Variants in MARCHF10 observed in about 807,000 individuals in gnomAD.
The protein encoded by MARCHF10 is membrane associated ring-CH-type finger 10, also known as probable E3 ubiquitin-protein ligase MARCHF10.
Under a neutral mutation model 76.2 loss-of-function variants are expected in MARCHF10, and 64 were observed. The observed-to-expected ratio is 0.84, with a 90% CI of 0.69 to 1.03. The LOEUF (loss-of-function observed/expected upper bound fraction) is 1.03. Ranked by LOEUF, MARCHF10 falls within the 50% of genes least tolerant of loss-of-function variation. MARCHF10 has a pLI of 0.00. For missense variants in MARCHF10, 875 were observed against 958.0 expected (o/e 0.91, Z 1.14); for synonymous variants, 340 against 357.5 (o/e 0.95, Z 0.55).
intron 9 of MARCHF10, among the ~76,000 whole-genome samples, chr17:62,708,571 A>G (rs1480356971): frequency 6.6e-6 from 1 of 152,088 alleles, no homozygotes; most frequent in Admixed American, 6.6e-5. Flanking sequence ...TCAGTAGTTG[A>G]CTGTGCATCA....
At chr17:62,802,779 G>A (rs183208918) in intron 1 of MARCHF10, among the ~76,000 whole-genome samples, 41 of 152,190 alleles carry the variant, frequency 2.7e-4, no homozygotes, top group African/African-American at 9.9e-4. Flanking sequence ...TGAGGCAGAC[G>A]GGAGGGAAGC....
chr17:62,788,614 C>G lies in MARCHF10; in HGVS notation c.91-15G>C. On this transcript the variant is annotated splice_polypyrimidine_tract_variant and intron_variant, in intron 2 of 10. Transcript: ENST00000311269. ...CTCAGACAAGCCTGAAGAACAACAA[C>G]AATAAAATGTTTGTCTTAGGACCAT... 4.3e-6 allele frequency: 7 copies of G among 1,613,742 alleles called. No individual in the cohort carries two copies. Among genetic ancestry groups the G allele is most frequent in the Non-Finnish European group, 5.9e-6 (7 of 1,179,940 alleles).
intron 6 of MARCHF10, among the ~76,000 whole-genome samples, chr17:62,729,039 A>C (rs2090893733): frequency 6.6e-6 from 1 of 152,138 alleles, no homozygotes; most frequent in Non-Finnish European, 1.5e-5. Context: ...CCTGGGCTCA[A>C]AGTGATCCTC....
rs1226728405 is a variant in MARCHF10 at position 62,744,403 on chromosome 17, C to T, written c.508G>A (p.Ala170Thr). The change falls in exon 5 of 11, where the codon GCA becomes ACA. Residue 170 changes from alanine to threonine, a missense_variant. Physicochemically the swap from Ala to Thr is moderately conservative, Grantham distance 58. Coordinates refer to ENST00000311269, the MANE Select transcript of MARCHF10 (RefSeq NM_152598.4). Reference sequence around the variant, plus strand: ...GCTCCCCTGGGAACCGGCACCTTTGCAGGCCACTGCTGTTTCTGTCTGCTT... The same window carrying T: ...GCTCCCCTGGGAACCGGCACCTTTGTAGGCCACTGCTGTTTCTGTCTGCTT... ...DRSRQKQQWP[A>T]KVPVPRGADQ... 1 of 1,614,130 alleles carries T rather than the reference C, an allele frequency of 6.2e-7. No individual in the cohort carries two copies. The highest frequency in any genetic ancestry group is 2.2e-5 in the East Asian group (1 of 44,878).
intron 6 of MARCHF10, among the ~76,000 whole-genome samples, chr17:62,728,801 C>T (rs559649777): frequency 1.5e-3 from 226 of 152,150 alleles, no homozygotes; most frequent in Non-Finnish European, 2.6e-3. Flanking sequence ...CAGCCATGAG[C>T]TTTAATGCAC....
chr17:62,788,868 C>A (rs2092791250), intron 2 of MARCHF10, among the ~76,000 whole-genome samples: 1 of 150,604 alleles, frequency 6.6e-6, no homozygotes, highest in African/African-American at 2.4e-5. Context: ...TCAAGACCAT[C>A]CTGGCTAACA....
chr17:62,743,229 A>G (rs984861566), intron 5 of MARCHF10, among the ~76,000 whole-genome samples: 1 of 152,226 alleles, frequency 6.6e-6, no homozygotes, highest in Non-Finnish European at 1.5e-5. Context: ...GGCAGAAGGC[A>G]TTGATCACTG....
chr17:62,764,203 T>G (rs889143549), intron 3 of MARCHF10, among the ~76,000 whole-genome samples: 1 of 152,184 alleles, frequency 6.6e-6, no homozygotes, highest in Non-Finnish European at 1.5e-5. Context: ...GAAGAGCAAG[T>G]AGACTAAGGC....
At chr17:62,747,298 G>T (rs1599203408) in intron 4 of MARCHF10, among the ~76,000 whole-genome samples, 1 of 152,162 alleles carries the variant, frequency 6.6e-6, no homozygotes, top group Non-Finnish European at 1.5e-5. Flanking sequence ...AAGATAAAAG[G>T]TTATTTAATT....
intron 5 of MARCHF10, 180 bp from the exon 6 acceptor site, chr17:62,737,512 GC>G: frequency 1.6e-6 from 1 of 620,550 alleles, no homozygotes; most frequent in Non-Finnish European, 2.8e-6. Context: ...TCATTTTACT[GC>G]CCCGTATTCT....
intron 1 of MARCHF10, among the ~76,000 whole-genome samples, chr17:62,805,781 G>C (rs1029369280): frequency 6.6e-6 from 1 of 151,998 alleles, no homozygotes; most frequent in Non-Finnish European, 1.5e-5. Flanking sequence ...GCGTGGTGGT[G>C]CACTCCTGTA....
intron 6 of MARCHF10, among the ~76,000 whole-genome samples, chr17:62,727,250 C>A (rs1162307183): frequency 6.6e-6 from 1 of 152,148 alleles, no homozygotes. Flanking sequence ...GGTGGGGATC[C>A]ACTGGCTACC....
At chr17:62,770,694 C>A (rs1356032994) in intron 3 of MARCHF10, among the ~76,000 whole-genome samples, 1 of 151,952 alleles carries the variant, frequency 6.6e-6, no homozygotes, top group Non-Finnish European at 1.5e-5. Context: ...GCGTGGACCA[C>A]CACACCCAGC....
At chr17:62,722,420 G>T in intron 8 of MARCHF10, 68 bp downstream of exon 8, 1 of 1,071,802 alleles carries the variant, frequency 9.3e-7, no homozygotes, top group African/African-American at 1.5e-5. Flanking sequence ...CAGGGAAGGG[G>T]AATGTCTTCT....
chr17:62,791,120 C>T (rs901584610), intron 2 of MARCHF10, among the ~76,000 whole-genome samples: 3 of 152,118 alleles, frequency 2.0e-5, no homozygotes, highest in Non-Finnish European at 4.4e-5. Context: ...TTAAACAAAA[C>T]AAACAAAAAA....
At chr17:62,747,114 G>A (rs2091733559) in intron 4 of MARCHF10, 3 of 673,942 alleles carry the variant, frequency 4.5e-6, no homozygotes, top group Non-Finnish European at 7.6e-6. Context: ...TCGTCTCTCA[G>A]CCAGTCTACA....
chr17:62,714,734 G>GTCCCC lies in MARCHF10; in HGVS notation c.2215-3395_2215-3391dup, dbSNP rs2090104310. On this transcript the variant is annotated intron_variant, in intron 8 of 10. Coordinates refer to ENST00000311269, the MANE Select transcript of MARCHF10 (RefSeq NM_152598.4). ...TCAAACACAGTTGCCAGGCAGTCCC[G>GTCCCC]TCCCCTCCCCTCCCCCTTCTCCTCT... Among the ~76,000 whole-genome samples the GTCCCC allele has an allele frequency of 3.3e-5, 5 of 152,044 alleles. No individual in the cohort carries two copies. The South Asian group carries it at 1.0e-3, about 32-fold the overall frequency.
Position 62,722,586 on chromosome 17 carries a change from C to T in MARCHF10, c.2116G>A (p.Gly706Ser), listed in dbSNP as rs151082608. 9 of 1,613,314 alleles carry T rather than the reference C, an allele frequency of 5.6e-6. No homozygotes were observed. Among genetic ancestry groups the T allele is most frequent in the Non-Finnish European group, 6.8e-6 (8 of 1,179,728 alleles). The change falls in exon 8 of 11, where the codon GGT (glycine) becomes AGT (serine). Residue 706 changes from glycine to serine, a missense_variant. Transcript: ENST00000311269. ...CACATCTCACAGGTCTTCACGGCAC[C>T]AAGATCTGCTCCTTAAATTGGATAA... ...KVKITSGADL[G>S]AVKTCEMCKQ...
At chr17:62,762,040 TAGC>T (rs759132039) in intron 3 of MARCHF10, among the ~76,000 whole-genome samples, 1 of 151,900 alleles carries the variant, frequency 6.6e-6, no homozygotes, top group African/African-American at 2.4e-5. Context: ...TCAGCAGCAG[TAGC>T]AGCAGCAGCA....
Sources: gnomAD v4.1 joint callset for allele counts (sites outside exome capture counted in the v4.1 genomes callset) on GRCh38, gnomAD v4.1.1 for gene constraint, MANE v1.5 for transcripts, NCBI Gene and HGNC (gene_info 2026-07-23, HGNC 2026-07-21) for gene names.